Variants in SUSD3 observed in about 807,000 individuals in gnomAD.
The protein encoded by SUSD3 is sushi domain containing 3, also known as sushi domain-containing protein 3.
A neutral mutation model predicts 20.6 loss-of-function variants in SUSD3; 18 were observed. That is an observed-to-expected ratio of 0.87 (90% CI 0.60 to 1.30). The LOEUF (loss-of-function observed/expected upper bound fraction) is 1.30. SUSD3 is among the 50% of genes most tolerant of loss of function. The pLI, the probability that SUSD3 is intolerant of heterozygous loss-of-function variation, is 0.00. For missense variants in SUSD3, 306 were observed against 346.9 expected, an observed-to-expected ratio of 0.88 and a Z score of 0.94; for synonymous variants, 137 against 141.5, an observed-to-expected ratio of 0.97 and a Z score of 0.23.
chr9:93,080,239 A>G (rs1826353044), intron 4 of SUSD3, among the ~76,000 whole-genome samples: 1 of 150,126 alleles, frequency 6.7e-6, no homozygotes, highest in Non-Finnish European at 1.5e-5. Flanking sequence ...GAATCACTTG[A>G]ACCCAGGAGG....
intron 1 of SUSD3, among the ~76,000 whole-genome samples, chr9:93,070,058 C>A (rs1825854069): frequency 6.6e-6 from 1 of 152,212 alleles, no homozygotes; most frequent in Non-Finnish European, 1.5e-5. Flanking sequence ...GGATTACAGG[C>A]ATGAGCCACC....
At chr9:93,063,908 G>A (rs138562066) in intron 1 of SUSD3, among the ~76,000 whole-genome samples, 13 of 152,264 alleles carry the variant, frequency 8.5e-5, no homozygotes, top group African/African-American at 3.1e-4. Context: ...TGGACAGTTG[G>A]GCTGGCATCA....
chr9:93,068,365 G>A (rs1158249208), intron 1 of SUSD3, among the ~76,000 whole-genome samples: 1 of 152,126 alleles, frequency 6.6e-6, no homozygotes, highest in Non-Finnish European at 1.5e-5. Flanking sequence ...GTTAATTTTA[G>A]CATATGGTAT....
intron 1 of SUSD3, among the ~76,000 whole-genome samples, chr9:93,059,221 G>A (rs1309385085): frequency 1.3e-5 from 2 of 152,158 alleles, no homozygotes; most frequent in Admixed American, 1.3e-4. Context: ...GGGCGGGAGG[G>A]GGGAGCCGGG....
intron 4 of SUSD3, among the ~76,000 whole-genome samples, chr9:93,080,318 C>CAAAA (rs56134136): frequency 4.4e-4 from 25 of 56,250 alleles, no homozygotes; most frequent in East Asian, 1.1e-3. Context: ...GACTCCGTCT[C>CAAAA]AAAAAAAAAA....
In SUSD3 at chr9:93,084,574, A is replaced by T. The variant is rs1175369690; in HGVS notation, c.595A>T (p.Thr199Ser). 1.2e-6 allele frequency: 2 copies of T among 1,602,298 alleles called. No individual in the cohort carries two copies. The highest frequency in any genetic ancestry group is 1.3e-5 in the African/African-American group (1 of 74,526). The change falls in exon 5 of 5, where the codon ACC becomes TCC. Residue 199 changes from threonine to serine, a missense_variant. Physicochemically the swap from Thr to Ser is moderately conservative, Grantham distance 58. Transcript: ENST00000375472. ...GESTSKLASV[T>S]RSVDKDPGIP... ...GAGCACCAGCAAGCTGGCCAGTGTG[A>T]CCCGCAGCGTGGACAAGGACCCTGG...
At chr9:93,076,083 A>G in intron 2 of SUSD3, 111 bp downstream of exon 2, 1 of 948,502 alleles carries the variant, frequency 1.1e-6, no homozygotes, top group Non-Finnish European at 1.6e-6. Flanking sequence ...ACAAGCAGCT[A>G]GGCCAGTGTG....
chr9:93,081,847 A>G (rs1481415956), intron 4 of SUSD3, among the ~76,000 whole-genome samples: 1 of 152,140 alleles, frequency 6.6e-6, no homozygotes, highest in Non-Finnish European at 1.5e-5. Context: ...CAAAGCTTCC[A>G]ATATCTGCTA....
Position 93,077,853 on chromosome 9 carries a change from A to G in SUSD3, c.285A>G (p.Pro95=). The G allele has an allele frequency of 6.2e-7, 1 of 1,614,122 alleles. No homozygotes were observed. The highest frequency in any genetic ancestry group is 8.5e-7 in the Non-Finnish European group (1 of 1,180,000). The change falls in exon 3 of 5, where the codon CCA becomes CCG. Residue 95 remains proline (P), a synonymous_variant. Coordinates refer to ENST00000375472, the MANE Select transcript of SUSD3 (RefSeq NM_145006.4). ...TGGTTGTCTCCCACACAGTGGTGCC[A>G]CCACACGAGACCTTTGGCTTCAAGG... The part of the protein sequence containing the change: ...SSGSPVCKLV[P]PHETFGFKVA...
chr9:93,080,318 CAA>C (rs56134136), intron 4 of SUSD3, among the ~76,000 whole-genome samples: 3,074 of 56,668 alleles, frequency 0.054, 68 homozygotes, highest in African/African-American at 0.16. Flanking sequence ...GACTCCGTCT[CAA>C]AAAAAAAAAA....
At chr9:93,076,946 T>C (rs138274720) in intron 2 of SUSD3, among the ~76,000 whole-genome samples, 79 of 152,192 alleles carry the variant, frequency 5.2e-4, no homozygotes, top group African/African-American at 1.8e-3. Context: ...TCAGGGAAGG[T>C]TCTTAGAAGT....
chr9:93,070,150 G>A (rs1255881449), intron 1 of SUSD3, among the ~76,000 whole-genome samples: 1 of 152,160 alleles, frequency 6.6e-6, no homozygotes, highest in African/African-American at 2.4e-5. Flanking sequence ...TAATATATAA[G>A]TGCTGTTTAT....
chr9:93,071,993 C>A lies in SUSD3; in HGVS notation c.89-3791C>A, dbSNP rs1284018184. Among the ~76,000 whole-genome samples the A allele has an allele frequency of 2.6e-5, 4 of 152,130 alleles. No individual in the cohort carries two copies. In the East Asian group the frequency reaches 7.7e-4, roughly 29 times the overall value. ...TCCCTACCACCTTCCCACTGAGTGA[C>A]CTTGGGCATGCCATTGAGCTTTGCT... On this transcript the variant is annotated intron_variant, in intron 1 of 4. Transcript: ENST00000375472.
At position 93,075,857 on chromosome 9, in the gene SUSD3, G is replaced by T. The variant is rs777907895; in HGVS notation, c.162G>T (p.Gly54=). 7.4e-6 allele frequency: 12 copies of T among 1,613,776 alleles called. No homozygotes were observed. Among genetic ancestry groups the T allele is most frequent in the Admixed American group, 1.7e-5 (1 of 59,978 alleles). ...TTCGTGGCAATGGTGCTTCCGTGGG[G>T]ACCGTGCTCATGTTCCGCTGCCCCT... ...QVLRGNGASV[G]TVLMFRCPSN... The change falls in exon 2 of 5, where the codon GGG becomes GGT. Residue 54 remains glycine (G), a synonymous_variant. Transcript: ENST00000375472.
chr9:93,066,382 C>A (rs138070314), intron 1 of SUSD3, among the ~76,000 whole-genome samples: 1 of 152,070 alleles, frequency 6.6e-6, no homozygotes, highest in Non-Finnish European at 1.5e-5. Flanking sequence ...TACAGGCGCA[C>A]GCCACCACGC....
At chr9:93,075,748 C>CCCCCCCCCCCCCCCCCCT in intron 1 of SUSD3, 36 bp from the exon 2 acceptor site, 2 of 202,416 alleles carry the variant, frequency 9.9e-6, no homozygotes, top group Non-Finnish European at 9.9e-6. Context: ...CCACCCCCCC[C>CCCCCCCCCCCCCCCCCCT]CCCCCGCCAT....
Position 93,071,579 on chromosome 9 carries a change from C to A in SUSD3, c.89-4205C>A, listed in dbSNP as rs117128512. Among the ~76,000 whole-genome samples the A allele has an allele frequency of 3.0e-3, 457 of 152,280 alleles. 1 individual carries two copies. Among genetic ancestry groups the A allele is most frequent in the Middle Eastern group, 0.017 (5 of 294 alleles). The stretch of plus-strand genomic sequence containing the variant: ...GGGTCTGCTTCTCCCAGTCCACCGA[C>A]GCAAATGTTAATCTCCTTTGGCAAC... On this transcript the variant is annotated intron_variant, in intron 1 of 4. Transcript: ENST00000375472.
chr9:93,076,211 A>T (rs1188289160), intron 2 of SUSD3, among the ~76,000 whole-genome samples: 6 of 152,088 alleles, frequency 3.9e-5, no homozygotes, highest in African/African-American at 1.4e-4. Flanking sequence ...CGGGCCTCCA[A>T]TCCTGGCTCT....
At chr9:93,074,887 C>T (rs1436883073) in intron 1 of SUSD3, among the ~76,000 whole-genome samples, 3 of 152,130 alleles carry the variant, frequency 2.0e-5, no homozygotes, top group Non-Finnish European at 2.9e-5. Context: ...GCTGGGATTA[C>T]AAGCATGAGC....
Sources: allele counts gnomAD v4.1 joint callset (sites outside exome capture counted in the v4.1 genomes callset), GRCh38; gene constraint gnomAD v4.1.1; transcripts MANE v1.5; gene names NCBI Gene and HGNC (gene_info 2026-07-23, HGNC 2026-07-21).